The following DNAJC12 variants were observed in gnomAD, a reference collection of about 807,000 sequenced individuals.
DNAJC12 encodes DnaJ heat shock protein family (Hsp40) member C12.
Under a neutral mutation model 28.5 loss-of-function variants are expected in DNAJC12, and 25 were observed. That is an observed-to-expected ratio of 0.88 (90% CI 0.64 to 1.22). The LOEUF is 1.22. Ranked by LOEUF, DNAJC12 falls within the 50% of genes most tolerant of loss-of-function variation. The pLI is 0.00. For missense variants in DNAJC12, 222 were observed against 231.7 expected, an observed-to-expected ratio of 0.96 and a Z score of 0.27; for synonymous variants, 77 against 80.6, an observed-to-expected ratio of 0.95 and a Z score of 0.24.
intron 1 of DNAJC12, among the ~76,000 whole-genome samples, chr10:67,824,646 G>A (rs1007957492): frequency 2.6e-5 from 4 of 152,078 alleles, no homozygotes; most frequent in Non-Finnish European, 4.4e-5. Context: ...TTTATTAATT[G>A]TAATTGCAAT....
intron 3 of DNAJC12, among the ~76,000 whole-genome samples, chr10:67,807,826 G>T (rs1336231687): frequency 6.6e-6 from 1 of 152,166 alleles, no homozygotes; most frequent in African/African-American, 2.4e-5. Context: ...TGCTTTAAAG[G>T]TCCTCAGTGA....
At chr10:67,819,205 C>G (rs574182633) in intron 2 of DNAJC12, among the ~76,000 whole-genome samples, 56 of 152,038 alleles carry the variant, frequency 3.7e-4, no homozygotes, top group Non-Finnish European at 4.4e-5. Flanking sequence ...CGGTGGCAGG[C>G]GCCTGTAGTC....
intron 1 of DNAJC12, among the ~76,000 whole-genome samples, chr10:67,826,726 C>A (rs1334850057): frequency 2.1e-5 from 2 of 96,770 alleles, no homozygotes; most frequent in African/African-American, 3.6e-5. Flanking sequence ...TATAAGATAT[C>A]TAATGATATA....
intron 1 of DNAJC12, among the ~76,000 whole-genome samples, chr10:67,826,833 TAA>T (rs1216809038): frequency 2.3e-5 from 3 of 131,968 alleles, no homozygotes; most frequent in South Asian, 4.4e-4. Context: ...ATATCATATA[TAA>T]GATATCTAAT....
chr10:67,807,991 C>T (rs747853651), intron 3 of DNAJC12, among the ~76,000 whole-genome samples: 6 of 152,180 alleles, frequency 3.9e-5, no homozygotes, highest in Admixed American at 6.5e-5. Flanking sequence ...GTGCTTCTCA[C>T]GCTTTGTAGT....
chr10:67,811,407 C>G, intron 3 of DNAJC12, 117 bp downstream of exon 3: 2 of 1,532,918 alleles, frequency 1.3e-6, no homozygotes, highest in Non-Finnish European at 1.8e-6. Flanking sequence ...CCAGACTCTG[C>G]TAACTTCTTG....
At chr10:67,803,743 C>T (rs1841771260) in intron 4 of DNAJC12, among the ~76,000 whole-genome samples, 1 of 152,190 alleles carries the variant, frequency 6.6e-6, no homozygotes, top group Non-Finnish European at 1.5e-5. Context: ...GAACATTCAT[C>T]GTGTTTACAT....
intron 4 of DNAJC12, 55 bp downstream of exon 4, chr10:67,805,528 C>T (rs1319953829): frequency 3.9e-6 from 6 of 1,529,374 alleles, no homozygotes; most frequent in Non-Finnish European, 5.3e-6. Flanking sequence ...GCAATATAAA[C>T]AAAACTCTTT....
chr10:67,826,316 T>C (rs972814137), intron 1 of DNAJC12, among the ~76,000 whole-genome samples: 16 of 151,362 alleles, frequency 1.1e-4, no homozygotes, highest in Non-Finnish European at 2.1e-4. Flanking sequence ...GCATGTTTTA[T>C]AGAGATGGGG....
Position 67,797,002 on chromosome 10 carries a change from C to T in DNAJC12, c.*114G>A. Reference sequence around the variant, plus strand: ...AAGGATGGAGGAATCAATTAGTACTCAGCAATTCACAGACATGACATAAAC... The same window carrying T: ...AAGGATGGAGGAATCAATTAGTACTTAGCAATTCACAGACATGACATAAAC... On this transcript the variant is annotated 3_prime_UTR_variant, in exon 5 of 5. Coordinates refer to ENST00000225171, the MANE Select transcript of DNAJC12 (RefSeq NM_021800.3). 1 of 724,016 alleles carries T rather than the reference C, an allele frequency of 1.4e-6. No individual in the cohort carries two copies. Among genetic ancestry groups the T allele is most frequent in the South Asian group, 2.2e-5 (1 of 46,316 alleles). 44.8% of individuals were successfully genotyped at this position (724,016 alleles called of 1,614,324 possible).
chr10:67,804,528 G>A lies in DNAJC12; in HGVS notation c.502+1055C>T, dbSNP rs142779728. ...GGTGCACAACAATGCACCTAGATGA[G>A]CAAGTACTATTATAATCCCTATTTT... On this transcript the variant is annotated intron_variant, in intron 4 of 4. Transcript: ENST00000225171. Among the ~76,000 whole-genome samples, 821 of 152,270 alleles carry A rather than the reference G, an allele frequency of 5.4e-3. 9 individuals carry two copies. Among genetic ancestry groups the A allele is most frequent in the African/African-American group, 0.019 (773 of 41,552 alleles).
chr10:67,815,479 G>C (rs1841905468), intron 2 of DNAJC12, among the ~76,000 whole-genome samples: 1 of 130,554 alleles, frequency 7.7e-6, no homozygotes, highest in Non-Finnish European at 1.5e-5. Flanking sequence ...TTGCGCTCCA[G>C]CCTGGGCAAC....
At chr10:67,803,015 A>AT (rs202018047) in intron 4 of DNAJC12, among the ~76,000 whole-genome samples, 6 of 102,590 alleles carry the variant, frequency 5.8e-5, no homozygotes, top group Non-Finnish European at 1.1e-4. Flanking sequence ...TAATTTTCAT[A>AT]TTTTTTTTTA....
intron 1 of DNAJC12, among the ~76,000 whole-genome samples, chr10:67,830,628 A>C (rs1842084377): frequency 6.7e-6 from 1 of 150,040 alleles, no homozygotes; most frequent in African/African-American, 2.5e-5. Context: ...TAAATAAATA[A>C]ATAAATAAAT....
At chr10:67,811,427 C>T (rs1841856775) in intron 3 of DNAJC12, 97 bp downstream of exon 3, 1 of 1,547,714 alleles carries the variant, frequency 6.5e-7, no homozygotes, top group Non-Finnish European at 8.7e-7. Context: ...GGTTTTCTCC[C>T]TCCTATCGCC....
chr10:67,799,260 A>G (rs542775904), intron 4 of DNAJC12, among the ~76,000 whole-genome samples: 2 of 152,332 alleles, frequency 1.3e-5, no homozygotes, highest in South Asian at 4.1e-4. Flanking sequence ...CATATACAGA[A>G]TAGTTAACAA....
chr10:67,817,683 C>T (rs1188006917), intron 2 of DNAJC12, among the ~76,000 whole-genome samples: 1 of 148,264 alleles, frequency 6.7e-6, no homozygotes, highest in East Asian at 2.0e-4. Flanking sequence ...TTGAGACCAT[C>T]CTGGCCAACA....
intron 1 of DNAJC12, among the ~76,000 whole-genome samples, chr10:67,825,818 G>A (rs945666564): frequency 4.6e-5 from 7 of 152,134 alleles, no homozygotes; most frequent in Admixed American, 3.9e-4. Flanking sequence ...AATAGGAAAA[G>A]ATGACTTCCT....
At position 67,811,519 on chromosome 10, in the gene DNAJC12, C is replaced by A. The variant is rs1332927176; in HGVS notation, c.297+5G>T. 1 of 1,614,078 alleles carries A rather than the reference C, an allele frequency of 6.2e-7. No homozygotes were observed. Among genetic ancestry groups the A allele is most frequent in the Admixed American group, 1.7e-5 (1 of 59,986 alleles). On this transcript the variant is annotated splice_donor_5th_base_variant and intron_variant, in intron 3 of 4. Transcript: ENST00000225171. ...AATTCACGTCGCACCCAGCGAGAAA[C>A]CCACCGTCTTCACTGAGTCATTCAA...
Sources: gnomAD v4.1 joint callset for allele counts (sites outside exome capture counted in the v4.1 genomes callset) on GRCh38, gnomAD v4.1.1 for gene constraint, MANE v1.5 for transcripts, NCBI Gene and HGNC (gene_info 2026-07-23, HGNC 2026-07-21) for gene names.